The following FRAS1 variants were observed in gnomAD, a reference collection of about 807,000 sequenced individuals.
FRAS1 encodes Fraser extracellular matrix complex subunit 1.
FRAS1 carries 290 observed loss-of-function variants against 435.2 expected under a neutral mutation model. That is an observed-to-expected ratio of 0.67 (90% CI 0.61 to 0.73). The LOEUF is 0.73. Among genes scored for constraint, FRAS1 ranks in the 30% least tolerant of loss-of-function variants. The probability of loss-of-function intolerance (pLI) is 0.00; values close to 1 mark genes in which losing one functional copy is unlikely to be tolerated. For missense variants in FRAS1, 4,860 were observed against 5,001.5 expected (o/e 0.97, Z 0.85); for synonymous variants, 1,800 against 1,851.0 (o/e 0.97, Z 0.71).
At chr4:78,488,802 C>A in intron 58 of FRAS1, 73 bp from the exon 59 acceptor site, 1 of 1,396,482 alleles carries the variant, frequency 7.2e-7, no homozygotes, top group Non-Finnish European at 9.8e-7. Flanking sequence ...CTGCTGAAGG[C>A]TGACAAGGAC....
intron 2 of FRAS1, among the ~76,000 whole-genome samples, chr4:78,094,711 G>A (rs551943523): frequency 2.0e-5 from 3 of 152,074 alleles, no homozygotes; most frequent in Non-Finnish European, 4.4e-5. Flanking sequence ...AACTTTAATA[G>A]AACCTGTTTA....
chr4:78,373,446 C>CTAA (rs3086797), intron 24 of FRAS1, among the ~76,000 whole-genome samples: 41,265 of 138,706 alleles, frequency 0.3, 6,769 homozygotes, highest in African/African-American at 0.41. Context: ...GAGCCAAGGA[C>CTAA]TAATAATAAT....
chr4:78,265,553 C>T (rs185137211), intron 7 of FRAS1, among the ~76,000 whole-genome samples: 23 of 152,174 alleles, frequency 1.5e-4, no homozygotes, highest in African/African-American at 5.3e-4. Context: ...GGAAGGGAGG[C>T]GAGAGGCTGT....
rs375278138 is a variant in FRAS1 at position 78,464,091 on chromosome 4, G to A, written c.6834G>A (p.Glu2278=). 1.8e-4 allele frequency: 295 copies of A among 1,613,668 alleles called. No individual in the cohort carries two copies. The highest frequency in any genetic ancestry group is 1.8e-4 in the Non-Finnish European group (213 of 1,179,790). ...ATGTTCAGTATGTCCATTCTAGTGA[G>A]GCTGAGAAACATTCAGATGCCTTCA... The part of the protein sequence containing the change: ...SRNVQYVHSS[E]AEKHSDAFSF... Residue 2278 remains glutamate (E), a synonymous_variant, in exon 48 of 74, where the codon GAG becomes GAA. Transcript: ENST00000512123.
In FRAS1 at chr4:78,345,652, C is replaced by G. The variant is rs149155469; in HGVS notation, c.2422+7835C>G. On this transcript the variant is annotated intron_variant, in intron 20 of 73. Transcript: ENST00000512123. ...CTTATTTCTCATCTTGTCACCCTAT[C>G]TCTTATTGCTTGAATCATGAATTGC... 4.8e-3 allele frequency among the ~76,000 whole-genome samples: 735 copies of G among 151,888 alleles called. 3 individuals are homozygous for G. The highest frequency in any genetic ancestry group is 6.5e-3 in the Non-Finnish European group (440 of 67,956).
chr4:78,379,715 A>C lies in FRAS1; in HGVS notation c.3293-11A>C, dbSNP rs963327969. 3 of 1,603,564 alleles carry C rather than the reference A, an allele frequency of 1.9e-6. No homozygotes were observed. The highest frequency in any genetic ancestry group is 2.5e-6 in the Non-Finnish European group (3 of 1,177,548). On this transcript the variant is annotated splice_polypyrimidine_tract_variant and intron_variant, in intron 26 of 73. Coordinates refer to ENST00000512123, the MANE Select transcript of FRAS1 (RefSeq NM_025074.7). ...CCATAAGCTTGACCTTTGGATTCAT[A>C]TGTTTTTCAGGCAAAATACACACCC...
chr4:78,124,976 G>A (rs904967176), intron 2 of FRAS1, among the ~76,000 whole-genome samples: 1 of 151,984 alleles, frequency 6.6e-6, no homozygotes, highest in African/African-American at 2.4e-5. Context: ...GGTTTTTTAT[G>A]TCTCTATCTC....
chr4:78,148,960 A>AT (rs976275956), intron 2 of FRAS1, among the ~76,000 whole-genome samples: 10 of 152,282 alleles, frequency 6.6e-5, no homozygotes, highest in African/African-American at 2.2e-4. Flanking sequence ...AAGAAATAGT[A>AT]TTTTTTTAAA....
chr4:78,064,061 A>G (rs931846315), intron 1 of FRAS1, among the ~76,000 whole-genome samples: 6 of 151,912 alleles, frequency 3.9e-5, no homozygotes, highest in Non-Finnish European at 2.9e-5. Flanking sequence ...ACACATATAT[A>G]TATTTCCTTT....
At chr4:78,188,140 C>T (rs1173129829) in intron 2 of FRAS1, among the ~76,000 whole-genome samples, 1 of 152,140 alleles carries the variant, frequency 6.6e-6, no homozygotes, top group African/African-American at 2.4e-5. Context: ...CCCTTTCTTT[C>T]TATGGAAACA....
chr4:78,127,532 T>A (rs1719427586), intron 2 of FRAS1, among the ~76,000 whole-genome samples: 1 of 151,990 alleles, frequency 6.6e-6, no homozygotes. Context: ...TTGGGAGATA[T>A]TTAAGAAGTA....
intron 2 of FRAS1, among the ~76,000 whole-genome samples, chr4:78,132,649 A>C (rs143649986): frequency 5.9e-4 from 90 of 152,326 alleles, no homozygotes; most frequent in African/African-American, 2.1e-3. Context: ...TGGAGAGCAG[A>C]TGCAGAGAGA....
intron 15 of FRAS1, among the ~76,000 whole-genome samples, chr4:78,310,250 A>C (rs1299238558): frequency 1.3e-5 from 2 of 152,206 alleles, no homozygotes; most frequent in African/African-American, 4.8e-5. Context: ...TCAAATTTGC[A>C]CTAATCCAAG....
At chr4:78,148,920 C>T (rs1202269092) in intron 2 of FRAS1, among the ~76,000 whole-genome samples, 1 of 152,154 alleles carries the variant, frequency 6.6e-6, no homozygotes, top group African/African-American at 2.4e-5. Context: ...GAAAATGAGG[C>T]AATTTCCTGA....
intron 61 of FRAS1, among the ~76,000 whole-genome samples, chr4:78,506,634 C>T (rs1649307159): frequency 6.6e-6 from 1 of 152,198 alleles, no homozygotes; most frequent in African/African-American, 2.4e-5. Context: ...AGGCGTGTCC[C>T]ATTTTTCCAG....
At chr4:78,540,320 G>A (rs753653519) in intron 73 of FRAS1, among the ~76,000 whole-genome samples, 3 of 152,236 alleles carry the variant, frequency 2.0e-5, no homozygotes, top group South Asian at 2.1e-4. Context: ...AAAAGAATCC[G>A]AATAGCTGAC....
At position 78,270,549 on chromosome 4, in the gene FRAS1, C is replaced by T. The variant is rs1209371092; in HGVS notation, c.981+3117C>T. On this transcript the variant is annotated intron_variant, in intron 9 of 73. Transcript: ENST00000512123. ...CAGCCACCGCCCCCCGCCACCCCGC[C>T]CCCCCGCCACCACCACCACCCCAGC... is the stretch of plus-strand genomic sequence containing the variant. 2.2e-5 allele frequency among the ~76,000 whole-genome samples: 3 copies of T among 138,252 alleles called. No individual in the cohort carries two copies. The East Asian group carries it at 7.1e-4, about 33-fold the overall frequency. 90.7% of individuals were successfully genotyped at this position (138,252 alleles called of 152,430 possible).
chr4:78,069,464 T>C (rs1337581452), intron 2 of FRAS1, among the ~76,000 whole-genome samples: 2 of 152,184 alleles, frequency 1.3e-5, no homozygotes, highest in Non-Finnish European at 2.9e-5. Context: ...AGCTGCCAGA[T>C]ACAGTGGAAC....
At chr4:78,286,267 T>A in intron 13 of FRAS1, 138 bp from the exon 14 acceptor site, 1 of 903,100 alleles carries the variant, frequency 1.1e-6, no homozygotes, top group African/African-American at 1.6e-5. Context: ...AGATGATGGC[T>A]GTTAAAATTA....
Sources: allele counts gnomAD v4.1 joint callset (sites outside exome capture counted in the v4.1 genomes callset), GRCh38; gene constraint gnomAD v4.1.1; transcripts MANE v1.5; gene names NCBI Gene and HGNC (gene_info 2026-07-23, HGNC 2026-07-21).